Variants in FSTL4 observed in about 807,000 individuals in gnomAD.
FSTL4 encodes the protein follistatin like 4.
FSTL4 carries 28 observed loss-of-function variants against 78.2 expected under a neutral mutation model. That is an observed-to-expected ratio of 0.36 (90% CI 0.27 to 0.49). The LOEUF (loss-of-function observed/expected upper bound fraction) is 0.49. FSTL4 is among the 20% of genes least tolerant of loss of function. The pLI, the probability that FSTL4 is intolerant of heterozygous loss-of-function variation, is 0.98. For synonymous variants in FSTL4, 422 were observed against 440.5 expected (o/e 0.96, Z 0.53); for missense variants, 922 against 1,084.9 (o/e 0.85, Z 2.11).
At chr5:133,465,232 C>T (rs2112842216) in intron 3 of FSTL4, among the ~76,000 whole-genome samples, 1 of 152,314 alleles carries the variant, frequency 6.6e-6, no homozygotes, top group African/African-American at 2.4e-5. Flanking sequence ...CCTGGTGTTC[C>T]CTCCATTGGG....
At chr5:133,803,490 G>C in the FSTL4 span, among the ~76,000 whole-genome samples, 1 of 152,142 alleles carries the variant, frequency 6.6e-6, no homozygotes, top group African/African-American at 2.4e-5. Context: ...TGGAATACAA[G>C]AGGCACAACT....
chr5:133,767,816 G>A, the FSTL4 span, among the ~76,000 whole-genome samples: 24 of 152,308 alleles, frequency 1.6e-4, no homozygotes, highest in South Asian at 4.8e-3. Flanking sequence ...GAAAAGTAAG[G>A]TGGATGGGTC....
At chr5:133,543,968 C>A (rs1025562970) in intron 3 of FSTL4, among the ~76,000 whole-genome samples, 8 of 151,956 alleles carry the variant, frequency 5.3e-5, no homozygotes, top group African/African-American at 1.9e-4. Context: ...ACCCTCTATA[C>A]TTATCAAAAT....
intron 8 of FSTL4, among the ~76,000 whole-genome samples, chr5:133,232,477 G>T (rs1751520831): frequency 6.6e-6 from 1 of 152,200 alleles, no homozygotes; most frequent in Non-Finnish European, 1.5e-5. Context: ...CTGACCATCT[G>T]TGTCCACCAA....
intron 3 of FSTL4, among the ~76,000 whole-genome samples, chr5:133,520,045 A>G (rs1758943713): frequency 6.6e-6 from 1 of 152,238 alleles, no homozygotes. Context: ...TGGCAATTGC[A>G]GGTGGGTTTC....
At chr5:133,352,729 C>T (rs987494854) in intron 4 of FSTL4, among the ~76,000 whole-genome samples, 2 of 152,120 alleles carry the variant, frequency 1.3e-5, no homozygotes, top group African/African-American at 4.8e-5. Flanking sequence ...TGCGTTAGTT[C>T]ACTTAGGATA....
chr5:133,414,131 G>T (rs1756531503), intron 3 of FSTL4, among the ~76,000 whole-genome samples: 1 of 152,082 alleles, frequency 6.6e-6, no homozygotes, highest in Non-Finnish European at 1.5e-5. Flanking sequence ...GGCACCCAAG[G>T]ACTCCACCAT....
At chr5:133,297,168 G>T (rs1366571927) in intron 6 of FSTL4, among the ~76,000 whole-genome samples, 5 of 152,184 alleles carry the variant, frequency 3.3e-5, no homozygotes, top group African/African-American at 9.7e-5. Flanking sequence ...TGCACAAATG[G>T]TATCCTACGT....
chr5:133,208,854 A>G (rs765893760), intron 14 of FSTL4, among the ~76,000 whole-genome samples: 1 of 152,106 alleles, frequency 6.6e-6, no homozygotes, highest in Non-Finnish European at 1.5e-5. Flanking sequence ...TATTTTTAGT[A>G]GAGACGGGGT....
chr5:133,229,395 C>T (rs547911202), intron 8 of FSTL4, among the ~76,000 whole-genome samples: 10 of 151,910 alleles, frequency 6.6e-5, no homozygotes, highest in East Asian at 1.9e-4. Flanking sequence ...TGGTGGCATG[C>T]GCCTGTAATC....
At chr5:133,356,744 C>T (rs1326699695) in intron 4 of FSTL4, among the ~76,000 whole-genome samples, 1 of 152,266 alleles carries the variant, frequency 6.6e-6, no homozygotes, top group East Asian at 1.9e-4. Flanking sequence ...TGAAGCATGG[C>T]TGCCTCCTGG....
At chr5:133,217,590 C>A (rs570007182) in intron 12 of FSTL4, among the ~76,000 whole-genome samples, 1 of 152,198 alleles carries the variant, frequency 6.6e-6, no homozygotes, top group Admixed American at 6.5e-5. Context: ...CCTTTGCACC[C>A]GCTCAGTTAG....
intron 14 of FSTL4, among the ~76,000 whole-genome samples, chr5:133,207,513 T>C (rs1404859031): frequency 6.6e-6 from 1 of 152,380 alleles, no homozygotes; most frequent in East Asian, 1.9e-4. Flanking sequence ...AATTCAGTCA[T>C]ATTTGATACG....
the FSTL4 span, among the ~76,000 whole-genome samples, chr5:133,814,775 C>A: frequency 6.6e-6 from 1 of 152,148 alleles, no homozygotes; most frequent in African/African-American, 2.4e-5. Flanking sequence ...CAAATTGCAA[C>A]AATGAGAAAG....
chr5:133,291,774 G>A (rs1032016265), intron 6 of FSTL4, among the ~76,000 whole-genome samples: 1 of 151,974 alleles, frequency 6.6e-6, no homozygotes, highest in Non-Finnish European at 1.5e-5. Context: ...GGGGAGGTGG[G>A]GAGGGTGTGG....
intron 14 of FSTL4, among the ~76,000 whole-genome samples, chr5:133,207,320 G>C (rs1002120089): frequency 2.6e-5 from 4 of 152,184 alleles, no homozygotes; most frequent in African/African-American, 9.7e-5. Context: ...CATGCTTAGT[G>C]CTCTTAACCC....
chr5:133,476,322 C>T (rs1294665374), intron 3 of FSTL4, among the ~76,000 whole-genome samples: 2 of 152,156 alleles, frequency 1.3e-5, no homozygotes, highest in African/African-American at 4.8e-5. Flanking sequence ...AGCTTATGGC[C>T]CCTCGACCGC....
At chr5:133,539,111 T>A (rs778042944) in intron 3 of FSTL4, among the ~76,000 whole-genome samples, 2 of 152,142 alleles carry the variant, frequency 1.3e-5, no homozygotes, top group Non-Finnish European at 2.9e-5. Flanking sequence ...TAGAATCACA[T>A]CTGCCACAGT....
At chr5:133,273,932 T>C (rs1401867751) in intron 6 of FSTL4, among the ~76,000 whole-genome samples, 1 of 152,206 alleles carries the variant, frequency 6.6e-6, no homozygotes, top group East Asian at 1.9e-4. Flanking sequence ...CTAGCCTGAT[T>C]ACTGAGCTCA....
Sources: gnomAD v4.1 joint callset for allele counts (sites outside exome capture counted in the v4.1 genomes callset) on GRCh38, gnomAD v4.1.1 for gene constraint, MANE v1.5 for transcripts, NCBI Gene and HGNC (gene_info 2026-07-23, HGNC 2026-07-21) for gene names.